The following HDAC9 variants were observed in gnomAD, a reference collection of about 807,000 sequenced individuals.
HDAC9 encodes the protein MEF-2 interacting transcription repressor (MITR) protein.
A neutral mutation model predicts 139.4 loss-of-function variants in HDAC9; 41 were observed. The observed-to-expected ratio is 0.29, with a 90% CI of 0.23 to 0.38. The LOEUF (loss-of-function observed/expected upper bound fraction) is 0.38, where lower values mean the gene tolerates loss of function less well. Ranked by LOEUF, HDAC9 falls within the 10% of genes least tolerant of loss-of-function variation. The pLI, the probability that HDAC9 is intolerant of heterozygous loss-of-function variation, is 1.00. For synonymous variants in HDAC9, 517 were observed against 476.2 expected (o/e 1.09, Z -1.12); for missense variants, 1,147 against 1,297.0 (o/e 0.88, Z 1.78).
chr7:18,273,764 A>G lies in HDAC9; in HGVS notation c.25+111415A>G, dbSNP rs146580291. Among the ~76,000 whole-genome samples the G allele has an allele frequency of 5.0e-3, 769 of 152,342 alleles. 2 individuals are homozygous for G. Among genetic ancestry groups the G allele is most frequent in the Non-Finnish European group, 7.9e-3 (537 of 68,028 alleles). On this transcript the variant is annotated intron_variant, in intron 2 of 12. Transcript: ENST00000417496. ...TAGCATTCAGAATACCAAAAATAATATAAGTAACACAGTGGAAGACGGGAC... is the reference window on the plus strand; with the variant it reads ...TAGCATTCAGAATACCAAAAATAATGTAAGTAACACAGTGGAAGACGGGAC...
intron 8 of HDAC9, among the ~76,000 whole-genome samples, chr7:18,639,551 G>C (rs1312727102): frequency 1.3e-5 from 2 of 151,968 alleles, no homozygotes; most frequent in South Asian, 2.1e-4. Context: ...GAAAACTTGA[G>C]AGATTTCTAC....
chr7:18,186,288 T>C (rs1247462433), intron 2 of HDAC9, among the ~76,000 whole-genome samples: 1 of 152,252 alleles, frequency 6.6e-6, no homozygotes, highest in African/African-American at 2.4e-5. Flanking sequence ...TTAAAGCTTG[T>C]ACCTTCTTTA....
chr7:18,642,214 A>G (rs1475718633), intron 8 of HDAC9, among the ~76,000 whole-genome samples: 2 of 152,024 alleles, frequency 1.3e-5, no homozygotes, highest in African/African-American at 4.8e-5. Flanking sequence ...TGTCTCCATG[A>G]CTTGAAGATC....
chr7:18,914,928 T>C (rs1247927455), intron 22 of HDAC9, among the ~76,000 whole-genome samples: 1 of 152,020 alleles, frequency 6.6e-6, no homozygotes, highest in Non-Finnish European at 1.5e-5. Context: ...GAAGAGATTA[T>C]AGGAAAAAAG....
chr7:18,764,192 AAGC>A (rs1789629316), intron 15 of HDAC9, among the ~76,000 whole-genome samples: 1 of 152,146 alleles, frequency 6.6e-6, no homozygotes, highest in Non-Finnish European at 1.5e-5. Flanking sequence ...TATGTGATGA[AAGC>A]AGCAAGTACC....
chr7:18,355,385 C>T (rs1379146809), intron 1 of HDAC9, among the ~76,000 whole-genome samples: 2 of 152,122 alleles, frequency 1.3e-5, no homozygotes, highest in African/African-American at 2.4e-5. Context: ...ACTACCAGAA[C>T]TAGCATGTTC....
chr7:18,687,050 G>A (rs1782325409), intron 12 of HDAC9, among the ~76,000 whole-genome samples: 1 of 151,726 alleles, frequency 6.6e-6, no homozygotes, highest in Admixed American at 6.6e-5. Flanking sequence ...TGCTTTGAGA[G>A]TTCATATTTT....
At chr7:18,803,081 T>C (rs1793432775) in intron 17 of HDAC9, among the ~76,000 whole-genome samples, 1 of 152,032 alleles carries the variant, frequency 6.6e-6, no homozygotes, top group Non-Finnish European at 1.5e-5. Flanking sequence ...CCTTGCTTTA[T>C]TTTTAATTAA....
Position 18,897,322 on chromosome 7 carries a change from T to C in HDAC9, c.2803+22726T>C, listed in dbSNP as rs1464655055. Among the ~76,000 whole-genome samples the C allele has an allele frequency of 5.9e-5, 9 of 152,112 alleles. No homozygotes were observed. The East Asian group carries it at 1.5e-3, about 26-fold the overall frequency. ...ATAAAGCCTTTCAAATGATCGCTTA[T>C]TGAATAATTCTCGAAAATCTAAACA... On this transcript the variant is annotated intron_variant, in intron 22 of 25. Coordinates refer to ENST00000686413, the MANE Select transcript of HDAC9 (RefSeq NM_178425.4).
intron 1 of HDAC9, among the ~76,000 whole-genome samples, chr7:18,386,818 T>C (rs150240894): frequency 7.9e-5 from 12 of 152,356 alleles, no homozygotes; most frequent in African/African-American, 2.9e-4. Flanking sequence ...TCAGCTCTTT[T>C]ACTGAATTCC....
At chr7:18,116,731 A>G (rs989114323) in intron 1 of HDAC9, among the ~76,000 whole-genome samples, 9 of 152,118 alleles carry the variant, frequency 5.9e-5, no homozygotes, top group African/African-American at 1.2e-4. Context: ...CCCTTCACCA[A>G]ATTCAGTGCT....
chr7:18,691,175 G>A (rs1023288312), intron 12 of HDAC9, among the ~76,000 whole-genome samples: 2 of 151,918 alleles, frequency 1.3e-5, no homozygotes, highest in African/African-American at 4.8e-5. Context: ...GGTGCATTCA[G>A]GAGATAGGAG....
chr7:18,925,331 G>A (rs530898477), intron 22 of HDAC9, among the ~76,000 whole-genome samples: 1 of 152,268 alleles, frequency 6.6e-6, no homozygotes, highest in African/African-American at 2.4e-5. Context: ...TATAACTTGG[G>A]AAGTTGTGTG....
chr7:18,141,672 C>T (rs1325343983), intron 1 of HDAC9, among the ~76,000 whole-genome samples: 2 of 151,966 alleles, frequency 1.3e-5, no homozygotes, highest in East Asian at 3.8e-4. Context: ...AGCGGGGACA[C>T]GGGTGGGATT....
intron 1 of HDAC9, among the ~76,000 whole-genome samples, chr7:18,384,147 C>A (rs1180652771): frequency 6.9e-6 from 1 of 143,890 alleles, no homozygotes; most frequent in Non-Finnish European, 1.5e-5. Context: ...CTCATCTCTA[C>A]AAAGAATAAA....
intron 1 of HDAC9, among the ~76,000 whole-genome samples, chr7:18,389,854 G>A (rs1786289538): frequency 6.6e-6 from 1 of 152,144 alleles, no homozygotes; most frequent in African/African-American, 2.4e-5. Context: ...AAGGCAAAGA[G>A]GGGTTAATAA....
At chr7:18,140,317 A>G (rs376434059) in intron 1 of HDAC9, among the ~76,000 whole-genome samples, 115 of 152,276 alleles carry the variant, frequency 7.6e-4, no homozygotes, top group African/African-American at 2.7e-3. Flanking sequence ...AACTGGCAAA[A>G]GAAGAAATTG....
At chr7:18,811,347 A>C (rs1422728176) in intron 17 of HDAC9, among the ~76,000 whole-genome samples, 1 of 151,470 alleles carries the variant, frequency 6.6e-6, no homozygotes, top group African/African-American at 2.4e-5. Context: ...TAGATTTCAG[A>C]TTTTTCTTCT....
At chr7:18,943,737 A>T (rs1465398354) in intron 23 of HDAC9, among the ~76,000 whole-genome samples, 2 of 152,004 alleles carry the variant, frequency 1.3e-5, no homozygotes, top group South Asian at 4.1e-4. Context: ...GCAATATCTC[A>T]TGTGAGCTGA....
Sources: allele counts gnomAD v4.1 joint callset (sites outside exome capture counted in the v4.1 genomes callset), GRCh38; gene constraint gnomAD v4.1.1; transcripts MANE v1.5; gene names NCBI Gene and HGNC (gene_info 2026-07-23, HGNC 2026-07-21).